MRTFB: variants seen among roughly 807,000 people sequenced by gnomAD.
MRTFB encodes myocardin-related transcription factor B.
In MRTFB, 29 loss-of-function variants were observed where a neutral mutation model predicts 104.2. That is an observed-to-expected ratio of 0.28 (90% CI 0.21 to 0.38). MRTFB has a LOEUF of 0.38. Ranked by LOEUF, MRTFB falls within the 10% of genes least tolerant of loss-of-function variation. The pLI is 1.00. For synonymous variants in MRTFB, 535 were observed against 519.5 expected (o/e 1.03, Z -0.41); for missense variants, 1,270 against 1,341.6 (o/e 0.95, Z 0.83).
chr16:14,104,051 C>A (rs2035846287), intron 2 of MRTFB, among the ~76,000 whole-genome samples: 1 of 152,198 alleles, frequency 6.6e-6, no homozygotes, highest in South Asian at 2.1e-4. Flanking sequence ...GAAGTATAAT[C>A]TCCCTACTTC....
At chr16:14,045,083 G>A in the MRTFB span, among the ~76,000 whole-genome samples, 1 of 152,154 alleles carries the variant, frequency 6.6e-6, no homozygotes, top group Non-Finnish European at 1.5e-5. Flanking sequence ...CAGTTTGAGA[G>A]CTACTGCACC....
chr16:14,050,181 A>G, the MRTFB span, among the ~76,000 whole-genome samples: 1 of 152,220 alleles, frequency 6.6e-6, no homozygotes, highest in South Asian at 2.1e-4. Flanking sequence ...ACACACACAC[A>G]CACAGAAATG....
At chr16:14,258,597 G>A (rs2043619894) in intron 16 of MRTFB, among the ~76,000 whole-genome samples, 1 of 152,196 alleles carries the variant, frequency 6.6e-6, no homozygotes, top group Non-Finnish European at 1.5e-5. Context: ...ATAGATGCCT[G>A]CTAAAAAACA....
intron 3 of MRTFB, chr16:14,186,839 G>GCGCAC: frequency 6.3e-7 from 1 of 1,592,860 alleles, no homozygotes; most frequent in Non-Finnish European, 8.5e-7. Context: ...AGAGTGTTCT[G>GCGCAC]CGCACCGCAC....
chr16:14,108,775 G>A (rs1052857680), intron 2 of MRTFB, among the ~76,000 whole-genome samples: 7 of 152,126 alleles, frequency 4.6e-5, no homozygotes, highest in African/African-American at 1.7e-4. Flanking sequence ...TTATGTGTGT[G>A]TTCATATGTT....
the MRTFB span, among the ~76,000 whole-genome samples, chr16:14,058,774 A>G: frequency 1.6e-5 from 2 of 125,880 alleles, no homozygotes; most frequent in African/African-American, 6.2e-5. Context: ...GCTGGAGTGC[A>G]GTGGTGAGAT....
At chr16:14,013,951 C>T in the MRTFB span, among the ~76,000 whole-genome samples, 1 of 152,194 alleles carries the variant, frequency 6.6e-6, no homozygotes, top group Non-Finnish European at 1.5e-5. Flanking sequence ...GAACAACTCA[C>T]TATTGTAACC....
chr16:14,194,705 T>A (rs1450439238), intron 3 of MRTFB, among the ~76,000 whole-genome samples: 1 of 148,550 alleles, frequency 6.7e-6, no homozygotes, highest in Non-Finnish European at 1.5e-5. Context: ...TGCTTTTCTT[T>A]TTTTTTTTTT....
intron 3 of MRTFB, chr16:14,148,586 A>G (rs2038444177): frequency 6.6e-6 from 1 of 152,652 alleles, no homozygotes; most frequent in South Asian, 2.1e-4. Flanking sequence ...ATTAGCAAAT[A>G]TCATGTTTTT....
the MRTFB span, among the ~76,000 whole-genome samples, chr16:14,038,211 T>G: frequency 1.3e-5 from 2 of 152,284 alleles, no homozygotes; most frequent in African/African-American, 4.8e-5. Context: ...TCCCTCTGTG[T>G]GTGTCTGTGT....
intron 2 of MRTFB, among the ~76,000 whole-genome samples, chr16:14,124,437 C>G (rs1402051036): frequency 3.9e-5 from 6 of 152,118 alleles, no homozygotes; most frequent in Non-Finnish European, 8.8e-5. Flanking sequence ...GAGATATGGT[C>G]CATCAATACC....
the MRTFB span, among the ~76,000 whole-genome samples, chr16:14,006,625 C>A: frequency 6.6e-6 from 1 of 151,952 alleles, no homozygotes. Context: ...GTTCGCTGCC[C>A]TTGTATGTGT....
upstream of MRTFB, among the ~76,000 whole-genome samples, chr16:14,070,486 G>A (rs1026056361): frequency 7.2e-5 from 11 of 152,132 alleles, no homozygotes. Flanking sequence ...CCAGCAAAAC[G>A]CCACCAGTCT....
intron 3 of MRTFB, among the ~76,000 whole-genome samples, chr16:14,175,435 T>C (rs899876257): frequency 1.3e-5 from 2 of 152,240 alleles, no homozygotes; most frequent in African/African-American, 2.4e-5. Context: ...ATGTTGTTTA[T>C]GTAATTCATT....
At chr16:14,200,060 A>G in intron 3 of MRTFB, 1 of 509,232 alleles carries the variant, frequency 2.0e-6, no homozygotes, top group Non-Finnish European at 3.5e-6. Flanking sequence ...AAGCTGGACT[A>G]CAGATTGGCA....
At chr16:14,255,802 A>G (rs776416990) in intron 15 of MRTFB, among the ~76,000 whole-genome samples, 4 of 150,230 alleles carry the variant, frequency 2.7e-5, no homozygotes, top group Non-Finnish European at 5.9e-5. Context: ...AAGATTCAAG[A>G]TAGCTTTTAA....
At chr16:14,220,954 C>G (rs183132106) in intron 8 of MRTFB, among the ~76,000 whole-genome samples, 1 of 152,082 alleles carries the variant, frequency 6.6e-6, no homozygotes, top group Non-Finnish European at 1.5e-5. Flanking sequence ...TTCATGAAAC[C>G]CCCTTGTATT....
Position 14,115,698 on chromosome 16 carries a change from A to C in MRTFB, c.-63-24846A>C, listed in dbSNP as rs186666429. 3.9e-5 allele frequency among the ~76,000 whole-genome samples: 6 copies of C among 152,316 alleles called. No homozygotes were observed. The East Asian group carries it at 1.2e-3, about 29-fold the overall frequency. On this transcript the variant is annotated intron_variant, in intron 2 of 16. Transcript: ENST00000571589. The stretch of plus-strand genomic sequence containing the variant: ...ACTAAATAGGAAATGCACTACAAAT[A>C]GCCTCAAATCAGCTCAGATTCTGAT...
At chr16:14,038,366 T>C in the MRTFB span, among the ~76,000 whole-genome samples, 64 of 152,286 alleles carry the variant, frequency 4.2e-4, no homozygotes, top group African/African-American at 1.4e-3. Flanking sequence ...GATTTCATCA[T>C]ATACATTTAG....
Sources: gnomAD v4.1 joint callset for allele counts (sites outside exome capture counted in the v4.1 genomes callset) on GRCh38, gnomAD v4.1.1 for gene constraint, MANE v1.5 for transcripts, NCBI Gene and HGNC (gene_info 2026-07-23, HGNC 2026-07-21) for gene names.